The following DCSTAMP variants were observed in gnomAD, a reference collection of about 807,000 sequenced individuals.
DCSTAMP encodes the protein dendritic cell-specific transmembrane protein.
DCSTAMP carries 25 observed loss-of-function variants against 33.8 expected under a neutral mutation model. That is an observed-to-expected ratio of 0.74 (90% CI 0.54 to 1.03). DCSTAMP has a LOEUF of 1.03. DCSTAMP is among the 50% of genes least tolerant of loss of function. The probability of loss-of-function intolerance (pLI) is 0.00; values close to 1 mark genes in which losing one functional copy is unlikely to be tolerated. For missense variants in DCSTAMP, 531 were observed against 556.8 expected (o/e 0.95, Z 0.47); for synonymous variants, 245 against 216.7 (o/e 1.13, Z -1.15).
At chr8:104,343,578 T>G (rs1260329121) in intron 1 of DCSTAMP, among the ~76,000 whole-genome samples, 1 of 152,182 alleles carries the variant, frequency 6.6e-6, no homozygotes, top group Non-Finnish European at 1.5e-5. Flanking sequence ...AGGTCCTAAG[T>G]GTGGAGCCCT....
intron 2 of DCSTAMP, among the ~76,000 whole-genome samples, chr8:104,354,202 C>T (rs1810547756): frequency 6.6e-6 from 1 of 152,252 alleles, no homozygotes; most frequent in Non-Finnish European, 1.5e-5. Flanking sequence ...TTCAGAGTCT[C>T]CTTCAATAAT....
At chr8:104,345,073 G>A (rs911368999) in intron 1 of DCSTAMP, among the ~76,000 whole-genome samples, 3 of 152,000 alleles carry the variant, frequency 2.0e-5, no homozygotes, top group Non-Finnish European at 4.4e-5. Flanking sequence ...ATAGCCATGA[G>A]CCACCACGCT....
In DCSTAMP at chr8:104,348,882, C is replaced by T. The variant is rs139266224; in HGVS notation, c.330C>T (p.His110=). 9.7e-5 allele frequency: 157 copies of T among 1,614,152 alleles called. No homozygotes were observed. The highest frequency in any genetic ancestry group is 1.2e-4 in the Non-Finnish European group (138 of 1,180,026). Residue 110 remains histidine (H), a synonymous_variant, in exon 2 of 4, where the codon CAC becomes CAT. Transcript: ENST00000297581. ...GCACAGGGATCGTCATCTTGGGACACGTAGAAAATATTTTTCACAACTTTA... is the reference window on the plus strand; with the variant it reads ...GCACAGGGATCGTCATCTTGGGACATGTAGAAAATATTTTTCACAACTTTA... The part of the protein sequence containing the change: ...AAGTGIVILG[H]VENIFHNFKG...
In DCSTAMP at chr8:104,349,261, C is replaced by A. The variant is rs1810400126; in HGVS notation, c.709C>A (p.Pro237Thr). The A allele has an allele frequency of 2.5e-6, 4 of 1,614,020 alleles. No homozygotes were observed. Residue 237 changes from proline (P) to threonine (T), a missense_variant, in exon 2 of 4, where the codon CCT becomes ACT. Transcript: ENST00000297581. ...TGLFMKRFLG[P>T]CGWKYENIYI... ...CCTCTTCATGAAGCGATTTTTGGGC[C>A]CTTGTGGTTGGAAGTATGAAAACAT...
Position 104,348,768 on chromosome 8 carries a change from G to C in DCSTAMP, c.216G>C (p.Leu72=), listed in dbSNP as rs996506319. 4 of 1,614,190 alleles carry C rather than the reference G, an allele frequency of 2.5e-6. No homozygotes were observed. The highest frequency in any genetic ancestry group is 3.3e-5 in the Admixed American group (2 of 60,016). ...CCTGGATTATCACGTGTGTTCTGCT[G>C]TGTTGCTCCAAGCATGCACGATGTT... is the stretch of plus-strand genomic sequence containing the variant. The part of the protein sequence containing the change: ...AASWIITCVL[L]CCSKHARCFI... The change falls in exon 2 of 4, where the codon CTG becomes CTC. Residue 72 remains leucine (L), a synonymous_variant. Coordinates refer to ENST00000297581, the MANE Select transcript of DCSTAMP (RefSeq NM_030788.4).
Position 104,355,083 on chromosome 8 carries a change from G to A in DCSTAMP, c.1236G>A (p.Val412=), listed in dbSNP as rs1282548152. Reference sequence around the variant, plus strand: ...TGTCAGCATCTTTCTACCCCAGCGTGGAGAGGAAGCGCATCCAATATCTGC... The same window carrying A: ...TGTCAGCATCTTTCTACCCCAGCGTAGAGAGGAAGCGCATCCAATATCTGC... The part of the protein sequence containing the change: ...ILVSASFYPS[V]ERKRIQYLHA... The change falls in exon 3 of 4, where the codon GTG becomes GTA. Residue 412 remains valine (V), a synonymous_variant. Transcript: ENST00000297581. The A allele has an allele frequency of 1.2e-6, 2 of 1,614,074 alleles. No individual in the cohort carries two copies. Among genetic ancestry groups the A allele is most frequent in the Admixed American group, 3.3e-5 (2 of 60,002 alleles).
Position 104,355,049 on chromosome 8 carries a change from A to G in DCSTAMP, c.1202A>G (p.Lys401Arg). The change falls in exon 3 of 4, where the codon AAA (lysine) becomes AGA (arginine). Residue 401 changes from lysine to arginine, a missense_variant. Transcript: ENST00000297581. The part of the protein sequence containing the change: ...GLLSSILMQL[K>R]ILVSASFYPS... ...TTGTCCTCTATCCTTATGCAACTTA[A>G]AATCCTGGTGTCAGCATCTTTCTAC... 6.2e-7 allele frequency: 1 copy of G among 1,614,136 alleles called. No homozygotes were observed. The highest frequency in any genetic ancestry group is 1.1e-5 in the South Asian group (1 of 91,080).
intron 1 of DCSTAMP, among the ~76,000 whole-genome samples, chr8:104,345,413 C>T (rs1810277704): frequency 6.6e-6 from 1 of 152,146 alleles, no homozygotes; most frequent in Admixed American, 6.5e-5. Flanking sequence ...GGAGCTTGAG[C>T]TGTAAAATAA....
intron 1 of DCSTAMP, among the ~76,000 whole-genome samples, chr8:104,346,726 ACT>A (rs776442911): frequency 6.6e-6 from 1 of 152,048 alleles, no homozygotes; most frequent in Non-Finnish European, 1.5e-5. Context: ...AACTGCAAGC[ACT>A]CTCTATTCCT....
At chr8:104,348,012 A>G (rs1341110426) in intron 1 of DCSTAMP, among the ~76,000 whole-genome samples, 1 of 152,178 alleles carries the variant, frequency 6.6e-6, no homozygotes, top group African/African-American at 2.4e-5. Context: ...AGATGGTGGA[A>G]AAAGGGTCCA....
intron 2 of DCSTAMP, among the ~76,000 whole-genome samples, chr8:104,350,373 C>T (rs1810427323): frequency 6.6e-6 from 1 of 152,204 alleles, no homozygotes; most frequent in Non-Finnish European, 1.5e-5. Flanking sequence ...ACTTCAAGCA[C>T]CTTCTCTGAG....
intron 2 of DCSTAMP, among the ~76,000 whole-genome samples, chr8:104,351,402 G>A (rs1810460727): frequency 6.6e-6 from 1 of 152,214 alleles, no homozygotes; most frequent in African/African-American, 2.4e-5. Context: ...CCCAAAATTG[G>A]GGCTTAGCCT....
rs1032475551 is a variant in DCSTAMP at position 104,348,805 on chromosome 8, G to A, written c.253G>A (p.Val85Ile). ...SKHARCFILL[V>I]FLSCGLREGR... ...GCATGCACGATGTTTTATTCTTCTT[G>A]TCTTTCTCTCTTGTGGCCTGCGTGA... The change falls in exon 2 of 4, where the codon GTC becomes ATC. Residue 85 changes from valine to isoleucine, a missense_variant. Physicochemically the swap from Val to Ile is conservative, Grantham distance 29. Coordinates refer to ENST00000297581, the MANE Select transcript of DCSTAMP (RefSeq NM_030788.4). 1.9e-6 allele frequency: 3 copies of A among 1,614,122 alleles called. No individual in the cohort carries two copies. The highest frequency in any genetic ancestry group is 2.5e-6 in the Non-Finnish European group (3 of 1,180,034).
At chr8:104,352,232 G>A (rs1810480454) in intron 2 of DCSTAMP, among the ~76,000 whole-genome samples, 1 of 152,138 alleles carries the variant, frequency 6.6e-6, no homozygotes, top group Non-Finnish European at 1.5e-5. Context: ...AGCAGATCTA[G>A]TCCCATGGCT....
intron 2 of DCSTAMP, among the ~76,000 whole-genome samples, chr8:104,351,509 T>G (rs1055520827): frequency 6.6e-6 from 1 of 152,184 alleles, no homozygotes; most frequent in Admixed American, 6.5e-5. Flanking sequence ...AAATGACTGC[T>G]CCATAGGCAG....
chr8:104,341,766 C>G (rs2099382904), intron 1 of DCSTAMP, among the ~76,000 whole-genome samples: 1 of 152,166 alleles, frequency 6.6e-6, no homozygotes, highest in East Asian at 1.9e-4. Flanking sequence ...AGGGCTTTAA[C>G]CCCATGAAAG....
chr8:104,340,975 G>C (rs553990420), intron 1 of DCSTAMP, among the ~76,000 whole-genome samples: 1 of 152,356 alleles, frequency 6.6e-6, no homozygotes, highest in South Asian at 2.1e-4. Context: ...TAAGCCATTG[G>C]CTTCTGCACA....
At position 104,341,094 on chromosome 8, in the gene DCSTAMP, C is replaced by T. The variant is rs565258239; in HGVS notation, c.-13+1232C>T. 4.1e-4 allele frequency among the ~76,000 whole-genome samples: 63 copies of T among 152,324 alleles called. 1 individual carries two copies. The highest frequency in any genetic ancestry group is 1.4e-3 in the African/African-American group (58 of 41,574). On this transcript the variant is annotated intron_variant, in intron 1 of 3. Transcript: ENST00000297581. ...GGGAGCAATAAGATGCTCCCAAGGT[C>T]ATTGTCTCCTGGCCTTTCCTCCAGA...
intron 2 of DCSTAMP, among the ~76,000 whole-genome samples, chr8:104,350,883 C>A (rs555406177): frequency 6.6e-6 from 1 of 152,154 alleles, no homozygotes; most frequent in Non-Finnish European, 1.5e-5. Flanking sequence ...AATTGGACTG[C>A]GGCGAGAGAT....
Sources: gnomAD v4.1 joint callset for allele counts (sites outside exome capture counted in the v4.1 genomes callset) on GRCh38, gnomAD v4.1.1 for gene constraint, MANE v1.5 for transcripts, NCBI Gene and HGNC (gene_info 2026-07-23, HGNC 2026-07-21) for gene names.